The following ATRNL1 variants were observed in gnomAD, a reference collection of about 807,000 sequenced individuals.
ATRNL1 encodes attractin like 1.
A neutral mutation model predicts 182.7 loss-of-function variants in ATRNL1; 95 were observed. The ratio of observed to expected loss-of-function variants is 0.52; its 90% CI spans 0.44 to 0.62. ATRNL1 has a LOEUF of 0.62. ATRNL1 is among the 20% of genes least tolerant of loss of function. The pLI, the probability that ATRNL1 is intolerant of heterozygous loss-of-function variation, is 0.00. For synonymous variants in ATRNL1, 576 were observed against 568.3 expected, an observed-to-expected ratio of 1.01 and a Z score of -0.19; for missense variants, 1,471 against 1,679.5, an observed-to-expected ratio of 0.88 and a Z score of 2.17.
intron 1 of ATRNL1, among the ~76,000 whole-genome samples, chr10:115,101,199 GC>G (rs1843753469): frequency 6.6e-6 from 1 of 151,630 alleles, no homozygotes. Flanking sequence ...CAATCTAGAT[GC>G]CTTTTTTTTT....
At chr10:115,298,560 A>G (rs570677647) in intron 15 of ATRNL1, among the ~76,000 whole-genome samples, 5 of 152,248 alleles carry the variant, frequency 3.3e-5, no homozygotes, top group Admixed American at 1.3e-4. Context: ...TGAAATATCT[A>G]TGTTGAATTG....
At chr10:115,410,800 C>T (rs143412950) in intron 20 of ATRNL1, among the ~76,000 whole-genome samples, 1,915 of 152,186 alleles carry the variant, frequency 0.013, 16 homozygotes, top group Non-Finnish European at 0.018. Context: ...TTCAGTGATG[C>T]GATCTTGGCT....
At chr10:115,272,995 TAAATGTCTGTTTCAGTA>T (rs1235318728) in intron 13 of ATRNL1, among the ~76,000 whole-genome samples, 1 of 152,194 alleles carries the variant, frequency 6.6e-6, no homozygotes, top group Non-Finnish European at 1.5e-5. Flanking sequence ...ATAGCCAGAA[TAAATGTCTGTTTCAGTA>T]AAAACAAAAT....
rs1858296917 is a variant in ATRNL1 at position 115,385,601 on chromosome 10, A to T, written c.3176-9058A>T. ...TATGTTTTTTTCTTTGATATTTTAT[A>T]CTTTTTGTATCACGTACGTGAAATC... On this transcript the variant is annotated intron_variant, in intron 19 of 28. Coordinates refer to ENST00000355044, the MANE Select transcript of ATRNL1 (RefSeq NM_207303.4). 2.0e-5 allele frequency among the ~76,000 whole-genome samples: 3 copies of T among 152,178 alleles called. No individual in the cohort carries two copies. In the South Asian group the frequency reaches 6.2e-4, roughly 32 times the overall value.
At chr10:115,148,118 A>G (rs1264732956) in intron 5 of ATRNL1, among the ~76,000 whole-genome samples, 1 of 152,042 alleles carries the variant, frequency 6.6e-6, no homozygotes, top group Non-Finnish European at 1.5e-5. Context: ...TGTCCTCTTC[A>G]ATTTCTTTCT....
intron 26 of ATRNL1, among the ~76,000 whole-genome samples, chr10:115,557,333 G>T (rs1160192876): frequency 1.3e-5 from 2 of 152,118 alleles, no homozygotes; most frequent in Non-Finnish European, 2.9e-5. Flanking sequence ...TTGAAACCCT[G>T]AGCCTAGATA....
At chr10:115,895,195 T>C (rs1555112214) in intron 28 of ATRNL1, among the ~76,000 whole-genome samples, 1 of 152,200 alleles carries the variant, frequency 6.6e-6, no homozygotes, top group African/African-American at 2.4e-5. Flanking sequence ...CCTTCATAAC[T>C]AGCACTAATA....
At chr10:115,373,195 T>C (rs1325466663) in intron 19 of ATRNL1, among the ~76,000 whole-genome samples, 1 of 152,126 alleles carries the variant, frequency 6.6e-6, no homozygotes, top group East Asian at 1.9e-4. Flanking sequence ...GAAATGCTGC[T>C]GATTTTTGTA....
At chr10:115,429,326 T>A (rs2134406049) in intron 21 of ATRNL1, among the ~76,000 whole-genome samples, 1 of 152,282 alleles carries the variant, frequency 6.6e-6, no homozygotes, top group East Asian at 1.9e-4. Flanking sequence ...GATTTTTAAA[T>A]GCAGTTAATT....
chr10:115,752,770 T>G (rs1948483424), intron 27 of ATRNL1, among the ~76,000 whole-genome samples: 1 of 152,142 alleles, frequency 6.6e-6, no homozygotes, highest in South Asian at 2.1e-4. Context: ...TGCAAACTAA[T>G]GTTAGCAATT....
intron 19 of ATRNL1, among the ~76,000 whole-genome samples, chr10:115,382,799 G>A (rs1858099393): frequency 6.6e-6 from 1 of 151,174 alleles, no homozygotes; most frequent in Admixed American, 6.6e-5. Context: ...TGATTGCAGT[G>A]GGAGAAAAGA....
chr10:115,725,067 G>A (rs1417463751), intron 26 of ATRNL1, among the ~76,000 whole-genome samples: 1 of 151,992 alleles, frequency 6.6e-6, no homozygotes, highest in Non-Finnish European at 1.5e-5. Context: ...ACACTATATT[G>A]TGCCCTAATT....
At chr10:115,352,021 T>C (rs1317914218) in intron 19 of ATRNL1, among the ~76,000 whole-genome samples, 1 of 152,116 alleles carries the variant, frequency 6.6e-6, no homozygotes, top group South Asian at 2.1e-4. Flanking sequence ...AGTTTTTCTG[T>C]TTCTTCATGG....
chr10:115,195,286 A>G (rs558085950), intron 8 of ATRNL1, among the ~76,000 whole-genome samples: 1 of 152,256 alleles, frequency 6.6e-6, no homozygotes, highest in African/African-American at 2.4e-5. Flanking sequence ...CTTATAAGAC[A>G]GACATGTTGT....
chr10:115,445,527 G>A (rs974469470), intron 21 of ATRNL1, among the ~76,000 whole-genome samples: 1 of 148,748 alleles, frequency 6.7e-6, no homozygotes, highest in Non-Finnish European at 1.5e-5. Flanking sequence ...GTGTGTGTGT[G>A]TGTGTGTGTG....
At chr10:115,373,406 G>A (rs1857497017) in intron 19 of ATRNL1, among the ~76,000 whole-genome samples, 2 of 151,964 alleles carry the variant, frequency 1.3e-5, no homozygotes, top group South Asian at 2.1e-4. Context: ...ATGTTGAATA[G>A]AAGTGGTGAG....
At chr10:115,646,962 C>A (rs1176530944) in intron 26 of ATRNL1, among the ~76,000 whole-genome samples, 1 of 130,544 alleles carries the variant, frequency 7.7e-6, no homozygotes, top group Non-Finnish European at 1.6e-5. Context: ...TCCCCCCACC[C>A]CACAACAGGC....
intron 21 of ATRNL1, among the ~76,000 whole-genome samples, chr10:115,438,067 G>A (rs968553195): frequency 1.3e-5 from 2 of 151,948 alleles, no homozygotes; most frequent in Non-Finnish European, 2.9e-5. Flanking sequence ...TAACTCAGTG[G>A]AAAAGCAAAT....
At chr10:115,749,915 A>G (rs782477145) in intron 27 of ATRNL1, among the ~76,000 whole-genome samples, 8 of 151,970 alleles carry the variant, frequency 5.3e-5, no homozygotes, top group Non-Finnish European at 8.8e-5. Context: ...AGTAAGAAAT[A>G]CCTTTTATGC....
Sources: gnomAD v4.1 joint callset for allele counts (sites outside exome capture counted in the v4.1 genomes callset) on GRCh38, gnomAD v4.1.1 for gene constraint, MANE v1.5 for transcripts, NCBI Gene and HGNC (gene_info 2026-07-23, HGNC 2026-07-21) for gene names.